The following AKAP19 variants were observed in gnomAD, a reference collection of about 807,000 sequenced individuals.
AKAP19 encodes the protein small A-kinase anchoring protein.
chr2:190,038,108 C>T, the AKAP19 span, among the ~76,000 whole-genome samples: 1 of 152,176 alleles, frequency 6.6e-6, no homozygotes, highest in African/African-American at 2.4e-5. Context: ...TGTCTTGATG[C>T]ATCTGCTTTA....
the AKAP19 span, among the ~76,000 whole-genome samples, chr2:190,147,926 A>C: frequency 0.014 from 2,172 of 152,202 alleles, 27 homozygotes; most frequent in Middle Eastern, 0.031. Context: ...TAGGGTTTTC[A>C]AGGTAAACGA....
chr2:190,090,460 C>T, the AKAP19 span, among the ~76,000 whole-genome samples: 1 of 152,200 alleles, frequency 6.6e-6, no homozygotes, highest in East Asian at 1.9e-4. Flanking sequence ...ACCAATTCGC[C>T]AGGCACATTA....
At chr2:190,007,031 A>G in the AKAP19 span, among the ~76,000 whole-genome samples, 1 of 152,192 alleles carries the variant, frequency 6.6e-6, no homozygotes, top group Non-Finnish European at 1.5e-5. Context: ...AAAGAAGAAA[A>G]AAAGAATTTA....
At chr2:190,068,318 CG>C in the AKAP19 span, among the ~76,000 whole-genome samples, 1 of 151,982 alleles carries the variant, frequency 6.6e-6, no homozygotes, top group Non-Finnish European at 1.5e-5. Context: ...CATAGTTAGA[CG>C]GGGAGAACAG....
the AKAP19 span, among the ~76,000 whole-genome samples, chr2:189,980,128 C>G: frequency 1.3e-5 from 2 of 152,100 alleles, no homozygotes; most frequent in African/African-American, 2.4e-5. Context: ...TTTATCACAG[C>G]ATTATTTATA....
the AKAP19 span, chr2:190,180,353 G>C: frequency 3.3e-6 from 2 of 611,350 alleles, no homozygotes; most frequent in Non-Finnish European, 4.1e-6. This position sits in a 1 kb window ranked among gnomAD's most constrained non-coding sequence, Gnocchi z 6.8. Flanking sequence ...GTTGTCCCAA[G>C]GCAGGCCCCG....
the AKAP19 span, among the ~76,000 whole-genome samples, chr2:190,067,992 A>G: frequency 6.6e-6 from 1 of 152,158 alleles, no homozygotes; most frequent in East Asian, 1.9e-4. Flanking sequence ...ATTTGAGGTC[A>G]GAAGTTCGAG....
At chr2:189,989,030 A>G in the AKAP19 span, among the ~76,000 whole-genome samples, 1 of 152,216 alleles carries the variant, frequency 6.6e-6, no homozygotes, top group African/African-American at 2.4e-5. Flanking sequence ...AATCTAATGG[A>G]GCAGAACTGT....
chr2:190,070,621 C>A, the AKAP19 span, among the ~76,000 whole-genome samples: 11 of 139,754 alleles, frequency 7.9e-5, no homozygotes, highest in East Asian at 7.3e-4. Context: ...CTCTCCCCCC[C>A]CCCTTTTTTT....
the AKAP19 span, among the ~76,000 whole-genome samples, chr2:190,165,947 C>A: frequency 6.6e-6 from 1 of 152,080 alleles, no homozygotes; most frequent in East Asian, 1.9e-4. Context: ...GGGAACATTC[C>A]TAGCCAGCTA....
the AKAP19 span, among the ~76,000 whole-genome samples, chr2:190,109,972 AAATCCCTG>A: frequency 6.6e-6 from 1 of 152,286 alleles, no homozygotes. Flanking sequence ...TACAAAATAG[AAATCCCTG>A]AACCCCAGCT....
the AKAP19 span, among the ~76,000 whole-genome samples, chr2:190,040,056 C>T: frequency 6.6e-6 from 1 of 152,158 alleles, no homozygotes; most frequent in African/African-American, 2.4e-5. Context: ...GGATTGCTGG[C>T]TCAAATGGTA....
the AKAP19 span, among the ~76,000 whole-genome samples, chr2:190,143,478 C>A: frequency 2.0e-5 from 3 of 151,808 alleles, no homozygotes; most frequent in African/African-American, 7.3e-5. Flanking sequence ...TCACATTACA[C>A]CTTGTGTATA....
At chr2:190,052,786 G>T in the AKAP19 span, among the ~76,000 whole-genome samples, 1 of 152,054 alleles carries the variant, frequency 6.6e-6, no homozygotes, top group African/African-American at 2.4e-5. Context: ...TTACATTTTT[G>T]GTTTAAAGTT....
the AKAP19 span, among the ~76,000 whole-genome samples, chr2:190,194,764 TCA>T: frequency 6.6e-6 from 1 of 152,102 alleles, no homozygotes; most frequent in South Asian, 2.1e-4. Context: ...TTCTAGAATG[TCA>T]TATAGTTGTA....
the AKAP19 span, among the ~76,000 whole-genome samples, chr2:190,094,656 G>A: frequency 6.6e-6 from 1 of 152,098 alleles, no homozygotes; most frequent in Non-Finnish European, 1.5e-5. Flanking sequence ...TTTTCCTGCC[G>A]GCAAAGTCTA....
chr2:189,962,651 G>A, the AKAP19 span, among the ~76,000 whole-genome samples: 1 of 152,164 alleles, frequency 6.6e-6, no homozygotes, highest in African/African-American at 2.4e-5. Flanking sequence ...GAAGAGAGAT[G>A]TTGGGTTGGG....
the AKAP19 span, among the ~76,000 whole-genome samples, chr2:190,133,969 TAG>T: frequency 6.6e-6 from 1 of 152,206 alleles, no homozygotes; most frequent in African/African-American, 2.4e-5. Context: ...GAAATTTGCT[TAG>T]AGAGTAGATT....
chr2:189,953,643 A>C, the AKAP19 span, among the ~76,000 whole-genome samples: 3 of 151,706 alleles, frequency 2.0e-5, no homozygotes, highest in Admixed American at 2.0e-4. Flanking sequence ...TCAAAAAAAA[A>C]AAAAAAAAAA....
Sources: allele counts gnomAD v4.1 joint callset (sites outside exome capture counted in the v4.1 genomes callset), GRCh38; gene constraint gnomAD v4.1.1; non-coding constraint Gnocchi (gnomAD v3.1); transcripts MANE v1.5; gene names NCBI Gene and HGNC (gene_info 2026-07-23, HGNC 2026-07-21).